The following COL4A2 variants were observed in gnomAD, a reference collection of about 807,000 sequenced individuals.
COL4A2 encodes collagen type IV alpha 2 chain.
In COL4A2, 99 loss-of-function variants were observed where a neutral mutation model predicts 200.2. That is an observed-to-expected ratio of 0.49 (90% confidence interval 0.42 to 0.58). The LOEUF (loss-of-function observed/expected upper bound fraction) is 0.58. Among genes scored for constraint, COL4A2 ranks in the 20% least tolerant of loss-of-function variants. The pLI is 0.00. For missense variants in COL4A2, 1,950 were observed against 2,314.1 expected, an observed-to-expected ratio of 0.84 and a Z score of 3.23; for synonymous variants, 897 against 900.6, an observed-to-expected ratio of 1.00 and a Z score of 0.07.
At chr13:110,498,771 T>C (rs764415453) in intron 40 of COL4A2, among the ~76,000 whole-genome samples, 27 of 152,222 alleles carry the variant, frequency 1.8e-4, no homozygotes, top group Non-Finnish European at 3.1e-4. Context: ...TAAGGTAACA[T>C]TGATGGCCTT....
At position 110,503,457 on chromosome 13, in the gene COL4A2, C is replaced by T; in HGVS notation, c.4114C>T (p.Pro1372Ser). ...GGTGGGCGACAGAGGCCCCAAGGGA[C>T]CCAAGGGAGACCCAGGATTCCCTGG... ...GAVGDRGPKG[P>S]KGDPGFPGAP... Residue 1372 changes from proline to serine, a missense_variant, in exon 43 of 48, where the codon CCC (proline) becomes TCC (serine). This residue lies in a region of COL4A2 where 1,385 missense variants were observed against 1,720.5 expected (regional missense o/e 0.80). Transcript: ENST00000360467. 1 of 1,573,682 alleles carries T rather than the reference C, an allele frequency of 6.4e-7. No individual in the cohort carries two copies. Among genetic ancestry groups the T allele is most frequent in the Non-Finnish European group, 8.6e-7 (1 of 1,158,272 alleles).
chr13:110,449,029 G>T (rs1415645733), intron 18 of COL4A2, among the ~76,000 whole-genome samples: 1 of 149,276 alleles, frequency 6.7e-6, no homozygotes, highest in African/African-American at 2.5e-5. Context: ...TCCCTTGCAC[G>T]TGGGACTTCA....
intron 28 of COL4A2, among the ~76,000 whole-genome samples, chr13:110,471,531 C>T (rs2139510934): frequency 6.6e-6 from 1 of 152,376 alleles, no homozygotes; most frequent in South Asian, 2.1e-4. Flanking sequence ...AAGACCCACA[C>T]ATGCAAACCC....
intron 4 of COL4A2, among the ~76,000 whole-genome samples, chr13:110,369,332 G>A (rs563409735): frequency 6.6e-6 from 1 of 152,254 alleles, no homozygotes; most frequent in East Asian, 1.9e-4. Flanking sequence ...TTTGAGCACC[G>A]ACCTGGCACT....
chr13:110,413,457 G>A (rs1021468088), intron 4 of COL4A2, among the ~76,000 whole-genome samples: 1 of 152,210 alleles, frequency 6.6e-6, no homozygotes, highest in African/African-American at 2.4e-5. Context: ...CAGTTGTGAG[G>A]AGGGGAAGAT....
At chr13:110,455,107 A>G (rs1377845401) in intron 20 of COL4A2, among the ~76,000 whole-genome samples, 1 of 152,088 alleles carries the variant, frequency 6.6e-6, no homozygotes, top group African/African-American at 2.4e-5. Context: ...GTAGCCTGCT[A>G]GGATGGCACC....
At chr13:110,494,703 TA>T (rs35053890) in intron 39 of COL4A2, among the ~76,000 whole-genome samples, 310 of 146,102 alleles carry the variant, frequency 2.1e-3, no homozygotes, top group African/African-American at 6.4e-3. Context: ...GACTCCGTCT[TA>T]AAAAAAAAAA....
At chr13:110,510,929 G>C (rs976811300) in intron 47 of COL4A2, among the ~76,000 whole-genome samples, 5 of 152,200 alleles carry the variant, frequency 3.3e-5, no homozygotes, top group African/African-American at 1.2e-4. Context: ...CTCAGGGCTG[G>C]ACAGGCTTCT....
intron 6 of COL4A2, among the ~76,000 whole-genome samples, chr13:110,427,340 G>C (rs1056480206): frequency 3.9e-5 from 6 of 152,088 alleles, no homozygotes; most frequent in Non-Finnish European, 8.8e-5. Flanking sequence ...AGTAGAGACA[G>C]GGTTTCACCA....
chr13:110,456,415 G>T (rs1040549872), intron 20 of COL4A2: 11 of 275,178 alleles, frequency 4.0e-5, no homozygotes, highest in Non-Finnish European at 7.8e-5. Context: ...CTTTTTTTTA[G>T]TTTTTTGGGG....
rs941753590 is a variant in COL4A2 at position 110,413,808 on chromosome 13, C to T, written c.181-10926C>T. Among the ~76,000 whole-genome samples the T allele has an allele frequency of 2.6e-5, 4 of 152,084 alleles. No individual in the cohort carries two copies. In the South Asian group the frequency reaches 8.3e-4, roughly 32 times the overall value. On this transcript the variant is annotated intron_variant, in intron 4 of 47. Coordinates refer to ENST00000360467, the MANE Select transcript of COL4A2 (RefSeq NM_001846.4). ...GCAGTGCTTGGCGGTGGTGAGCAGC[C>T]GGGACTGTGATGTGGGACCCTCAGC... is the stretch of plus-strand genomic sequence containing the variant.
chr13:110,437,738 CAG>C (rs1281760067), intron 13 of COL4A2, among the ~76,000 whole-genome samples: 1 of 152,098 alleles, frequency 6.6e-6, no homozygotes, highest in East Asian at 1.9e-4. Flanking sequence ...TAAAGGAAAA[CAG>C]AGAGAAGGAA....
chr13:110,466,984 G>C, intron 26 of COL4A2, 56 bp from the exon 27 acceptor site: 1 of 1,611,416 alleles, frequency 6.2e-7, no homozygotes, highest in East Asian at 2.2e-5. Flanking sequence ...CCCCAAGGCC[G>C]TGGGACTCAG....
At chr13:110,494,333 A>T (rs1594107963) in intron 39 of COL4A2, among the ~76,000 whole-genome samples, 1 of 48,426 alleles carries the variant, frequency 2.1e-5, no homozygotes, top group Admixed American at 2.5e-4. Context: ...TAGTGCAGGA[A>T]GGCTTGGCAG....
In COL4A2 at chr13:110,329,429, C is replaced by T. The variant is rs1004437258; in HGVS notation, c.99+21306C>T. 7.3e-5 allele frequency among the ~76,000 whole-genome samples: 11 copies of T among 151,434 alleles called. No homozygotes were observed. In the East Asian group the frequency reaches 1.2e-3, roughly 16 times the overall value. On this transcript the variant is annotated intron_variant, in intron 3 of 47. Coordinates refer to ENST00000360467, the MANE Select transcript of COL4A2 (RefSeq NM_001846.4). ...GGTGGGCGTGCCCTGCAGGGGAAGG[C>T]GTCTAGTGGTCCCTCCGTACCACAG...
At chr13:110,416,998 T>C (rs1880064406) in intron 4 of COL4A2, among the ~76,000 whole-genome samples, 1 of 152,016 alleles carries the variant, frequency 6.6e-6, no homozygotes, top group Non-Finnish European at 1.5e-5. Flanking sequence ...TTTTTTTTTT[T>C]TGAGACAGAG....
rs748995434 is a variant in COL4A2, at chr13:110,445,825, G to T, written c.958-4G>T. Reference sequence around the variant, plus strand: ...AAAATTAAAAGCAAATATCTTTCTTGCAGGGAAGCCGAGGCCTGGATGGCT... The same window carrying T: ...AAAATTAAAAGCAAATATCTTTCTTTCAGGGAAGCCGAGGCCTGGATGGCT... On this transcript the variant is annotated splice_polypyrimidine_tract_variant and splice_region_variant and intron_variant, in intron 16 of 47. Coordinates refer to ENST00000360467, the MANE Select transcript of COL4A2 (RefSeq NM_001846.4). The T allele has an allele frequency of 1.7e-5, 28 of 1,614,046 alleles. No homozygotes were observed. Among genetic ancestry groups the T allele is most frequent in the Non-Finnish European group, 1.4e-5 (17 of 1,180,028 alleles).
intron 11 of COL4A2, among the ~76,000 whole-genome samples, chr13:110,433,637 A>T (rs1880766878): frequency 6.6e-6 from 1 of 152,254 alleles, no homozygotes; most frequent in South Asian, 2.1e-4. Context: ...GAGATCAGAT[A>T]GGGCTTATGT....
chr13:110,432,398 G>T, intron 11 of COL4A2, 38 bp downstream of exon 11: 1 of 1,570,058 alleles, frequency 6.4e-7, no homozygotes. Flanking sequence ...AGGGAAGGGG[G>T]TACTTAGGTG....
Sources: gnomAD v4.1 joint callset for allele counts (sites outside exome capture counted in the v4.1 genomes callset) on GRCh38, gnomAD v4.1.1 for gene constraint, gnomAD v4.1.1 regional missense constraint, MANE v1.5 for transcripts, NCBI Gene and HGNC (gene_info 2026-07-23, HGNC 2026-07-21) for gene names.